MAP3K4: variants seen among roughly 807,000 people sequenced by gnomAD.
The protein encoded by MAP3K4 is MAP three kinase 1.
Under a neutral mutation model 185.6 loss-of-function variants are expected in MAP3K4, and 67 were observed. The observed-to-expected ratio is 0.36, with a 90% CI of 0.30 to 0.44. The LOEUF is 0.44. Among genes scored for constraint, MAP3K4 ranks in the 20% least tolerant of loss-of-function variants. The probability of loss-of-function intolerance (pLI) is 1.00; values close to 1 mark genes in which losing one functional copy is unlikely to be tolerated. For synonymous variants in MAP3K4, 702 were observed against 710.4 expected, an observed-to-expected ratio of 0.99 and a Z score of 0.19; for missense variants, 1,551 against 1,995.1, an observed-to-expected ratio of 0.78 and a Z score of 4.24.
intron 13 of MAP3K4, 25 bp from the exon 14 acceptor site, chr6:161,092,953 A>G (rs761418458): frequency 4.8e-6 from 7 of 1,472,960 alleles, no homozygotes; most frequent in Non-Finnish European, 6.7e-6. Context: ...TTGTTATGTG[A>G]TTACTGAACT....
At chr6:161,042,708 T>C (rs532849243) in intron 2 of MAP3K4, among the ~76,000 whole-genome samples, 29 of 152,302 alleles carry the variant, frequency 1.9e-4, no homozygotes, top group Non-Finnish European at 3.7e-4. Context: ...AGGAAGTACA[T>C]TCAGTTTATC....
chr6:161,068,450 G>T (rs1276346777), intron 3 of MAP3K4, among the ~76,000 whole-genome samples: 1 of 152,174 alleles, frequency 6.6e-6, no homozygotes, highest in Admixed American at 6.5e-5. Context: ...TATGGGTAAA[G>T]GAGAAGAAGG....
Position 161,080,594 on chromosome 6 carries a change from A to AT in MAP3K4, c.2098-281dup, listed in dbSNP as rs1034090267. The stretch of plus-strand genomic sequence containing the variant: ...AAAAGTTCTGGGTACTGTTCTTTTG[A>AT]TTTTTTCCCCTTTATTGTAGATTGT... On this transcript the variant is annotated intron_variant, in intron 5 of 26. Coordinates refer to ENST00000392142, the MANE Select transcript of MAP3K4 (RefSeq NM_005922.4). This position sits in a 1 kb window ranked among gnomAD's most constrained non-coding sequence, Gnocchi z 4.8. 21 of 364,140 alleles carry AT rather than the reference A, an allele frequency of 5.8e-5. No individual in the cohort carries two copies. The highest frequency in any genetic ancestry group is 1.7e-3 in the Middle Eastern group (2 of 1,190). 22.6% of individuals were successfully genotyped at this position (364,140 alleles called of 1,614,324 possible).
rs1194824259 is a variant in MAP3K4, at chr6:161,106,740, C to T, written c.4048+35C>T. The T allele has an allele frequency of 1.3e-6, 2 of 1,543,036 alleles. No individual in the cohort carries two copies. Among genetic ancestry groups the T allele is most frequent in the Admixed American group, 3.6e-5 (2 of 55,584 alleles). On this transcript the variant is annotated intron_variant, in intron 20 of 26. Coordinates refer to ENST00000392142, the MANE Select transcript of MAP3K4 (RefSeq NM_005922.4). This position sits in a 1 kb window ranked among gnomAD's most constrained non-coding sequence, Gnocchi z 4.9. Reference sequence around the variant, plus strand: ...TTAAGGAGCATGATGTCAAGATAGTCCCTGTTAGAAGTAGCAATAGTTATA... The same window carrying T: ...TTAAGGAGCATGATGTCAAGATAGTTCCTGTTAGAAGTAGCAATAGTTATA...
rs1233826348 is a variant in MAP3K4 at position 161,064,088 on chromosome 6, AC to A, written c.1708-6519del. Among the ~76,000 whole-genome samples the A allele has an allele frequency of 2.0e-5, 3 of 152,116 alleles. No individual in the cohort carries two copies. Reference sequence around the variant, plus strand: ...GGGAAATTGAAACCCTGTTGCCACCACTTTTTCCCAGAATTCTTTTTTTCAG... The same window carrying A: ...GGGAAATTGAAACCCTGTTGCCACCATTTTTCCCAGAATTCTTTTTTTCAG... On this transcript the variant is annotated intron_variant, in intron 3 of 26. Coordinates refer to ENST00000392142, the MANE Select transcript of MAP3K4 (RefSeq NM_005922.4). The surrounding 1 kb of genome is among the most constrained non-coding windows in gnomAD (Gnocchi z 4.3).
rs780710522 is a variant in MAP3K4 at position 161,102,744 on chromosome 6, G to A, written c.3821G>A (p.Ser1274Asn). 1.0e-5 allele frequency: 16 copies of A among 1,577,282 alleles called. 1 individual carries two copies. The South Asian group carries it at 1.8e-4, about 18-fold the overall frequency. ...RGDSSGSTRRSWELRTLISQS... is the reference protein window; with the variant it reads ...RGDSSGSTRRNWELRTLISQS... ...GATTCAAGTGGGTCCACAAGAAGAA[G>A]TTGGGAACTTCGGACACTAATCAGC... The change falls in exon 19 of 27, where the codon AGT becomes AAT. Residue 1274 changes from serine (S) to asparagine (N), a missense_variant. Coordinates refer to ENST00000392142, the MANE Select transcript of MAP3K4 (RefSeq NM_005922.4).
At chr6:161,095,997 C>G (rs905521052) in intron 15 of MAP3K4, among the ~76,000 whole-genome samples, 16 of 151,912 alleles carry the variant, frequency 1.1e-4, no homozygotes, top group Non-Finnish European at 4.4e-5. Flanking sequence ...AAAGACTCAC[C>G]AAATCTTTTG....
chr6:160,992,144 C>T, intron 1 of MAP3K4, 61 bp downstream of exon 1: 1 of 1,449,132 alleles, frequency 6.9e-7, no homozygotes, highest in Middle Eastern at 1.9e-4. Flanking sequence ...GGCCCGAACT[C>T]GGTCGGGCCC....
At chr6:161,028,727 A>G (rs766539157) in intron 1 of MAP3K4, among the ~76,000 whole-genome samples, 10 of 152,268 alleles carry the variant, frequency 6.6e-5, no homozygotes, top group East Asian at 1.9e-4. Context: ...CTAAATGTCT[A>G]TCTTGAAAAA....
At chr6:161,001,560 A>T (rs906996463) in intron 1 of MAP3K4, among the ~76,000 whole-genome samples, 2 of 152,210 alleles carry the variant, frequency 1.3e-5, no homozygotes, top group Non-Finnish European at 2.9e-5. Context: ...GTTTGCCTTC[A>T]GTAAACTCCA....
chr6:161,072,005 TG>T (rs1784965470), intron 4 of MAP3K4, among the ~76,000 whole-genome samples: 1 of 152,206 alleles, frequency 6.6e-6, no homozygotes, highest in Non-Finnish European at 1.5e-5. Flanking sequence ...TGTAATACTT[TG>T]AAAAATAAAA....
intron 1 of MAP3K4, among the ~76,000 whole-genome samples, chr6:161,009,201 G>A (rs1186780084): frequency 1.3e-5 from 2 of 152,038 alleles, no homozygotes; most frequent in Non-Finnish European, 2.9e-5. Flanking sequence ...GGCCAGGATG[G>A]TCTCCATCTC....
chr6:161,116,982 A>C lies in MAP3K4; in HGVS notation c.*112A>C. On this transcript the variant is annotated 3_prime_UTR_variant, in exon 27 of 27. Transcript: ENST00000392142. The surrounding 1 kb of genome is among the most constrained non-coding windows in gnomAD (Gnocchi z 6.2). ...AGCCTTTTTAACCTTCCAAGACTGA[A>C]GACTGCACAGGTGACAAGCGTCACT... The C allele has an allele frequency of 1.0e-6, 1 of 979,300 alleles. No homozygotes were observed. Among genetic ancestry groups the C allele is most frequent in the Non-Finnish European group, 1.6e-6 (1 of 623,668 alleles). The allele number at this position is 979,300 out of a possible 1,614,324, so 60.7% of individuals were successfully genotyped here. A position where few individuals can be genotyped will look rare whatever the true frequency, so the allele number is the denominator to read the frequency against.
At chr6:161,102,802 TAAAA>T (rs397886595) in intron 19 of MAP3K4, 23 bp downstream of exon 19, 5,452 of 597,450 alleles carry the variant, frequency 9.1e-3, no homozygotes, top group South Asian at 0.014. Flanking sequence ...GTGTTGAAGT[TAAAA>T]AAAAAAAAAA....
chr6:161,015,407 C>T (rs1430148752), intron 1 of MAP3K4, among the ~76,000 whole-genome samples: 1 of 152,044 alleles, frequency 6.6e-6, no homozygotes, highest in East Asian at 1.9e-4. Flanking sequence ...CCATGGCACA[C>T]GTTTACCTAT....
At chr6:160,994,277 C>G (rs943995614) in intron 1 of MAP3K4, among the ~76,000 whole-genome samples, 1 of 152,160 alleles carries the variant, frequency 6.6e-6, no homozygotes, top group East Asian at 1.9e-4. Context: ...AATATGTAGT[C>G]TATTCCTCAC....
Position 161,084,457 on chromosome 6 carries a change from G to A in MAP3K4, c.2256-44G>A. The A allele has an allele frequency of 2.2e-6, 2 of 912,506 alleles. No individual in the cohort carries two copies. Among genetic ancestry groups the A allele is most frequent in the Non-Finnish European group, 3.7e-6 (2 of 542,848 alleles). 56.5% of individuals were successfully genotyped at this position (912,506 alleles called of 1,614,324 possible). ...CAGTCAAGAATTAGGCTATGAGTAG[G>A]GACAGTTTTCTTCTCTGTTTTATTT... On this transcript the variant is annotated intron_variant, in intron 6 of 26. Transcript: ENST00000392142. The surrounding 1 kb of genome is among the most constrained non-coding windows in gnomAD (Gnocchi z 4.6).
In MAP3K4 at chr6:161,048,849, TGTA is replaced by T; in HGVS notation, c.579_581del (p.Ser194del). ...CAATAAGCCTTACCTCAGCCTTGGCTGTAGCAATGCTAAGCTTCCAGTATCTGT... is the reference window on the plus strand; with the variant it reads ...CAATAAGCCTTACCTCAGCCTTGGCTGCAATGCTAAGCTTCCAGTATCTGT... On this transcript the variant is annotated inframe_deletion, in exon 3 of 27. Transcript: ENST00000392142. The surrounding 1 kb of genome is among the most constrained non-coding windows in gnomAD (Gnocchi z 4.7). The T allele has an allele frequency of 1.2e-6, 2 of 1,614,208 alleles. No homozygotes were observed. Among genetic ancestry groups the T allele is most frequent in the Non-Finnish European group, 1.7e-6 (2 of 1,180,026 alleles).
In MAP3K4 at chr6:161,084,957, C is replaced by G. The variant is rs1219472871; in HGVS notation, c.2372+340C>G. On this transcript the variant is annotated intron_variant, in intron 7 of 26. Transcript: ENST00000392142. The surrounding 1 kb of genome is among the most constrained non-coding windows in gnomAD (Gnocchi z 4.6). Reference sequence around the variant, plus strand: ...GTCAGGAGTTCAAGACCAGCCTGGCCAAGATGGTGAAACCTCGTCTCTACT... The same window carrying G: ...GTCAGGAGTTCAAGACCAGCCTGGCGAAGATGGTGAAACCTCGTCTCTACT... 2.0e-5 allele frequency among the ~76,000 whole-genome samples: 3 copies of G among 151,896 alleles called. No homozygotes were observed. Among genetic ancestry groups the G allele is most frequent in the African/African-American group, 7.3e-5 (3 of 41,314 alleles).
Sources: gnomAD v4.1 joint callset for allele counts (sites outside exome capture counted in the v4.1 genomes callset) on GRCh38, gnomAD v4.1.1 for gene constraint, Gnocchi (gnomAD v3.1) non-coding constraint, MANE v1.5 for transcripts, NCBI Gene and HGNC (gene_info 2026-07-23, HGNC 2026-07-21) for gene names.